TEX36: variants seen among roughly 807,000 people sequenced by gnomAD.
The protein encoded by TEX36 is testis-expressed protein 36.
Under a neutral mutation model 13.6 loss-of-function variants are expected in TEX36, and 12 were observed. The observed-to-expected ratio is 0.88, with a 90% CI of 0.56 to 1.43. TEX36 has a LOEUF of 1.43. Ranked by LOEUF, TEX36 falls within the 40% of genes most tolerant of loss-of-function variation. TEX36 has a pLI of 0.00. For missense variants in TEX36, 224 were observed against 228.3 expected, an observed-to-expected ratio of 0.98 and a Z score of 0.12; for synonymous variants, 93 against 83.0, an observed-to-expected ratio of 1.12 and a Z score of -0.65.
At chr10:125,648,269 C>T (rs1419349332) in intron 3 of TEX36, among the ~76,000 whole-genome samples, 1 of 152,192 alleles carries the variant, frequency 6.6e-6, no homozygotes, top group Middle Eastern at 3.2e-3. Context: ...GGCCGACCAA[C>T]ATCTCATACA....
intron 1 of TEX36, among the ~76,000 whole-genome samples, chr10:125,674,534 T>A (rs1254254080): frequency 6.6e-6 from 1 of 152,236 alleles, no homozygotes; most frequent in Non-Finnish European, 1.5e-5. Flanking sequence ...ATTTTTTCAT[T>A]AATTCTTTCT....
chr10:125,616,273 T>A (rs905662643), intron 3 of TEX36, among the ~76,000 whole-genome samples: 3 of 152,048 alleles, frequency 2.0e-5, no homozygotes, highest in African/African-American at 7.2e-5. Flanking sequence ...TTTTTTTGTG[T>A]CTCTATTTCC....
At chr10:125,628,889 T>C (rs1846519379) in intron 3 of TEX36, among the ~76,000 whole-genome samples, 1 of 152,308 alleles carries the variant, frequency 6.6e-6, no homozygotes, top group South Asian at 2.1e-4. Context: ...TGAGGACTGA[T>C]GACGCATGTG....
intron 3 of TEX36, chr10:125,640,103 G>T: frequency 1.1e-5 from 11 of 961,838 alleles, no homozygotes; most frequent in Non-Finnish European, 1.4e-5. Context: ...AATGAGCAAA[G>T]TTGTTTTTTC....
chr10:125,613,025 T>C (rs943315454), intron 3 of TEX36, among the ~76,000 whole-genome samples: 1 of 151,970 alleles, frequency 6.6e-6, no homozygotes, highest in Middle Eastern at 3.4e-3. Flanking sequence ...ACTGCAGAAG[T>C]CCAGTGTTCC....
chr10:125,603,194 C>A (rs1170315037), intron 3 of TEX36, among the ~76,000 whole-genome samples: 1 of 152,238 alleles, frequency 6.6e-6, no homozygotes, highest in Non-Finnish European at 1.5e-5. Flanking sequence ...TAAATAAAAG[C>A]ACCACCCCTC....
chr10:125,623,294 T>A (rs971716946), intron 3 of TEX36, among the ~76,000 whole-genome samples: 2 of 152,136 alleles, frequency 1.3e-5, no homozygotes, highest in Admixed American at 6.5e-5. Context: ...GCTGATGGGA[T>A]ACTGCCCACC....
In TEX36 at chr10:125,583,198, C is replaced by T. The variant is rs145695448; in HGVS notation, c.265-6324G>A. The stretch of plus-strand genomic sequence containing the variant: ...TCCCTGATACATATGTTGTAAATTT[C>T]ACTAATTTGAACGGGTGGAGAGGAA... On this transcript the variant is annotated intron_variant, in intron 3 of 3. Coordinates refer to the TEX36 transcript ENST00000532135. Among the ~76,000 whole-genome samples, 516 of 152,112 alleles carry T rather than the reference C, an allele frequency of 3.4e-3. 5 individuals carry two copies. The highest frequency in any genetic ancestry group is 0.012 in the African/African-American group (484 of 41,478).
chr10:125,611,468 TA>T (rs1846289080), intron 3 of TEX36, among the ~76,000 whole-genome samples: 1 of 152,220 alleles, frequency 6.6e-6, no homozygotes, highest in African/African-American at 2.4e-5. Flanking sequence ...AGAAGGCAAA[TA>T]TTTTTTAGAT....
chr10:125,670,535 G>T (rs985022661), intron 1 of TEX36, among the ~76,000 whole-genome samples: 5 of 152,076 alleles, frequency 3.3e-5, no homozygotes, highest in Non-Finnish European at 5.9e-5. Flanking sequence ...TCATTCTGTA[G>T]GTTGCCTGTT....
At chr10:125,610,121 C>T (rs1846271701) in intron 3 of TEX36, among the ~76,000 whole-genome samples, 1 of 152,198 alleles carries the variant, frequency 6.6e-6, no homozygotes, top group Non-Finnish European at 1.5e-5. Context: ...CTGGGGAACC[C>T]TCAGAGAATT....
chr10:125,578,152 T>C (rs1448774752), intron 3 of TEX36: 1 of 152,194 alleles, frequency 6.6e-6, no homozygotes, highest in African/African-American at 2.4e-5. Context: ...AGAGAACCTA[T>C]GGATTTACTG....
chr10:125,682,980 C>T lies in TEX36; in HGVS notation c.10G>A (p.Gly4Arg), dbSNP rs780004138. The T allele has an allele frequency of 8.4e-6, 13 of 1,551,608 alleles. No homozygotes were observed. Among genetic ancestry groups the T allele is most frequent in the South Asian group, 1.2e-5 (1 of 84,054 alleles). Reference protein sequence around the residue: MTKGRRFNPPSDKD... With the variant: MTKRRRFNPPSDKD... ...TCTGAAGGTGGGTTGAAGCGTCGCC[C>T]TTTGGTCATTCTCTCCAGGAAGCTG... The change falls in exon 1 of 4, where the codon GGG (glycine) becomes AGG (arginine). Residue 4 changes from glycine to arginine, a missense_variant. Coordinates refer to ENST00000368821, the MANE Select transcript of TEX36 (RefSeq NM_001128202.3).
At chr10:125,650,654 C>A (rs569238486) in intron 3 of TEX36, among the ~76,000 whole-genome samples, 2 of 152,052 alleles carry the variant, frequency 1.3e-5, no homozygotes, top group African/African-American at 2.4e-5. Flanking sequence ...AAGATCAGAG[C>A]AGAACTGAAG....
At chr10:125,628,715 T>G (rs1358219123) in intron 3 of TEX36, among the ~76,000 whole-genome samples, 1 of 152,206 alleles carries the variant, frequency 6.6e-6, no homozygotes. Context: ...TTCAGAATCA[T>G]TATTCTAAAG....
intron 3 of TEX36, among the ~76,000 whole-genome samples, chr10:125,622,201 A>T (rs1235717109): frequency 1.3e-5 from 2 of 152,230 alleles, no homozygotes; most frequent in Admixed American, 1.3e-4. Flanking sequence ...TGCCTAACAT[A>T]ATACAGCTAT....
chr10:125,644,283 A>G (rs781735518), intron 3 of TEX36, among the ~76,000 whole-genome samples: 1 of 152,232 alleles, frequency 6.6e-6, no homozygotes, highest in Non-Finnish European at 1.5e-5. Flanking sequence ...AGTAGACAAA[A>G]AATATAAAGG....
intron 3 of TEX36, among the ~76,000 whole-genome samples, chr10:125,642,895 T>C (rs1326907661): frequency 6.6e-6 from 1 of 152,196 alleles, no homozygotes; most frequent in East Asian, 1.9e-4. Flanking sequence ...ACTTTTAGAT[T>C]GCCTTCTATC....
intron 1 of TEX36, among the ~76,000 whole-genome samples, chr10:125,678,892 T>A (rs995910757): frequency 2.0e-5 from 3 of 152,044 alleles, no homozygotes; most frequent in Non-Finnish European, 4.4e-5. Context: ...CCCCAAAATA[T>A]GACAGCAGGC....
Sources: allele counts gnomAD v4.1 joint callset (sites outside exome capture counted in the v4.1 genomes callset), GRCh38; gene constraint gnomAD v4.1.1; transcripts MANE v1.5; gene names NCBI Gene and HGNC (gene_info 2026-07-23, HGNC 2026-07-21).